The following COL6A6 variants were observed in gnomAD, a reference collection of about 807,000 sequenced individuals.
COL6A6 encodes the protein collagen alpha-6(VI) chain.
COL6A6 carries 183 observed loss-of-function variants against 208.6 expected under a neutral mutation model. That is an observed-to-expected ratio of 0.88 (90% CI 0.78 to 0.99). The LOEUF is 0.99. Ranked by LOEUF, COL6A6 falls within the 50% of genes least tolerant of loss-of-function variation. COL6A6 has a pLI of 0.00. For missense variants in COL6A6, 2,816 were observed against 2,815.2 expected, an observed-to-expected ratio of 1.00 and a Z score of -0.01; for synonymous variants, 973 against 1,011.8, an observed-to-expected ratio of 0.96 and a Z score of 0.73.
rs1220355090 is a variant in COL6A6, at chr3:130,649,235, C to T, written c.5406C>T (p.Ile1802=). The change falls in exon 33 of 37, where the codon ATC becomes ATT. Residue 1802 remains isoleucine (I), a synonymous_variant. Coordinates refer to ENST00000358511, the MANE Select transcript of COL6A6 (RefSeq NM_001102608.3). ...NSCPVGAHIA[I]LSYNSHARHL... is the part of the protein sequence containing the mutation. ...GCCCCGTGGGAGCGCACATCGCCAT[C>T]CTCTCCTATAACTCCCACGCCAGGC... The T allele has an allele frequency of 6.3e-7, 1 of 1,593,130 alleles. No homozygotes were observed. Among genetic ancestry groups the T allele is most frequent in the Non-Finnish European group, 8.5e-7 (1 of 1,169,956 alleles).
chr3:130,592,452 T>A, intron 13 of COL6A6, 89 bp from the exon 14 acceptor site: 1 of 1,010,020 alleles, frequency 9.9e-7, no homozygotes, highest in Non-Finnish European at 1.5e-6. Context: ...CATTCACACT[T>A]TTTTTGGTAA....
chr3:130,644,268 T>C (rs2065402628), intron 31 of COL6A6, among the ~76,000 whole-genome samples: 1 of 152,238 alleles, frequency 6.6e-6, no homozygotes, highest in Admixed American at 6.5e-5. Flanking sequence ...GAGAGAAGTC[T>C]AAAGCAGCAT....
At chr3:130,610,589 A>G in intron 22 of COL6A6, 60 bp from the exon 23 acceptor site, 1 of 1,215,114 alleles carries the variant, frequency 8.2e-7, no homozygotes, top group Non-Finnish European at 1.2e-6. Context: ...TGTAATATTC[A>G]ATTTAATATT....
At chr3:130,580,939 A>C (rs1174051025) in intron 8 of COL6A6, among the ~76,000 whole-genome samples, 1 of 152,022 alleles carries the variant, frequency 6.6e-6, no homozygotes, top group African/African-American at 2.4e-5. Flanking sequence ...TAATTTGGTT[A>C]TCAGTTTCTT....
At chr3:130,624,664 G>A (rs565739418) in intron 24 of COL6A6, among the ~76,000 whole-genome samples, 5 of 152,276 alleles carry the variant, frequency 3.3e-5, no homozygotes, top group Non-Finnish European at 7.4e-5. Context: ...AGAGGTGGCC[G>A]TGGGGAAGTA....
chr3:130,563,030 A>T (rs1309217745), intron 2 of COL6A6, 38 bp from the exon 3 acceptor site: 1 of 1,470,308 alleles, frequency 6.8e-7, no homozygotes, highest in Non-Finnish European at 9.2e-7. Context: ...TAAATTTTTT[A>T]AAGTTTTTGG....
At chr3:130,621,761 G>T (rs1407260078) in intron 23 of COL6A6, 60 bp from the exon 24 acceptor site, 3 of 1,418,364 alleles carry the variant, frequency 2.1e-6, no homozygotes, top group South Asian at 1.2e-5. Context: ...TAAGACAGAG[G>T]GTTTGAAGAA....
rs1235551768 is a variant in COL6A6, at chr3:130,565,286, A to C, written c.954A>C (p.Glu318Asp). 1 of 1,613,984 alleles carries C rather than the reference A, an allele frequency of 6.2e-7. No individual in the cohort carries two copies. The highest frequency in any genetic ancestry group is 2.2e-5 in the East Asian group (1 of 44,874). Residue 318 changes from glutamate to aspartate, a missense_variant, in exon 4 of 37, where the codon GAA becomes GAC. Physicochemically the swap from Glu to Asp is conservative, Grantham distance 45 (BLOSUM62 2). Transcript: ENST00000358511. Reference sequence around the variant, plus strand: ...CTGCCATCAAAAAGCTCAGGAAGGAAGTTTTTAGTGCACGGAATGGCAGTC... The same window carrying C: ...CTGCCATCAAAAAGCTCAGGAAGGACGTTTTTAGTGCACGGAATGGCAGTC... Reference protein sequence around the residue: ...TGAAIKKLRKEVFSARNGSRK... With the variant: ...TGAAIKKLRKDVFSARNGSRK...
intron 23 of COL6A6, among the ~76,000 whole-genome samples, chr3:130,617,097 C>T (rs148683797): frequency 3.3e-5 from 5 of 152,228 alleles, no homozygotes; most frequent in East Asian, 3.9e-4. Flanking sequence ...TATAACAATA[C>T]GTAACCTGTA....
chr3:130,573,652 C>T (rs536297486), intron 7 of COL6A6, among the ~76,000 whole-genome samples: 41 of 151,072 alleles, frequency 2.7e-4, no homozygotes, highest in African/African-American at 9.2e-4. Context: ...CTACAAGCTC[C>T]GCCTCCCGGG....
At chr3:130,607,785 G>A (rs1353455957) in intron 21 of COL6A6, among the ~76,000 whole-genome samples, 1 of 152,166 alleles carries the variant, frequency 6.6e-6, no homozygotes, top group Non-Finnish European at 1.5e-5. Flanking sequence ...GACACTTGTA[G>A]ACAAAGAGAC....
chr3:130,640,707 G>GT (rs2065282271), intron 28 of COL6A6, among the ~76,000 whole-genome samples: 2 of 151,896 alleles, frequency 1.3e-5, no homozygotes, highest in Admixed American at 6.6e-5. Flanking sequence ...TAAACTTATT[G>GT]TTGAATGCAC....
chr3:130,604,357 T>C (rs1467138870), intron 20 of COL6A6, among the ~76,000 whole-genome samples: 2 of 151,818 alleles, frequency 1.3e-5, no homozygotes, highest in African/African-American at 2.4e-5. Context: ...TAGCCGGGCG[T>C]GGTGGCGGGC....
intron 22 of COL6A6, 98 bp from the exon 23 acceptor site, chr3:130,610,551 T>TC: frequency 1.1e-6 from 1 of 889,342 alleles, no homozygotes; most frequent in Non-Finnish European, 1.8e-6. Flanking sequence ...CCCATTTCTG[T>TC]CCATGTTACT....
At position 130,675,378 on chromosome 3, in the gene COL6A6, C is replaced by T; in HGVS notation, c.6773C>T (p.Ala2258Val). ...TFKNGRMIES[A>V]PKQHD ...AAGAATGGAAGGATGATAGAAAGTG[C>T]TCCCAAACAACATGATTAAAAAAAT... Residue 2258 changes from alanine to valine, a missense_variant, in exon 37 of 37, where the codon GCT becomes GTT. Ala to Val is a moderately conservative substitution (Grantham distance 64). Coordinates refer to ENST00000358511, the MANE Select transcript of COL6A6 (RefSeq NM_001102608.3). The T allele has an allele frequency of 6.3e-7, 1 of 1,585,452 alleles. No homozygotes were observed. Among genetic ancestry groups the T allele is most frequent in the East Asian group, 2.3e-5 (1 of 44,422 alleles).
At position 130,593,226 on chromosome 3, in the gene COL6A6, G is replaced by A. The variant is rs1158908032; in HGVS notation, c.4444G>A (p.Gly1482Arg). Reference protein sequence around the residue: ...QGDNGLPGRKGEKGDEGSQGS... With the variant: ...QGDNGLPGRKREKGDEGSQGS... ...TGATAATGGTCTTCCTGGAAGAAAA[G>A]GAGAAAAGGGAGATGAGGGATCTCA... The change falls in exon 17 of 37, where the codon GGA becomes AGA. Residue 1482 changes from glycine to arginine, a missense_variant. Transcript: ENST00000358511. 1 of 1,612,900 alleles carries A rather than the reference G, an allele frequency of 6.2e-7. No homozygotes were observed. Among genetic ancestry groups the A allele is most frequent in the Non-Finnish European group, 8.5e-7 (1 of 1,178,960 alleles).
chr3:130,608,903 G>T lies in COL6A6; in HGVS notation c.4691G>T (p.Gly1564Val), dbSNP rs2064268785. Residue 1564 changes from glycine to valine, a missense_variant and splice_region_variant, in exon 22 of 37, where the codon GGA (glycine) becomes GTA (valine). By Grantham distance (109) the Gly-to-Val change is moderately radical. Transcript: ENST00000358511. ...HGRRGHTGPQ[G>V]TAGIPGPDGL... ...CAGATTGATTCTTTCTCGCCACAGG[G>T]AACAGCAGGCATCCCAGGACCAGAT... The T allele has an allele frequency of 1.6e-5, 26 of 1,612,230 alleles. No homozygotes were observed. The highest frequency in any genetic ancestry group is 1.8e-5 in the Non-Finnish European group (21 of 1,179,212).
chr3:130,554,319 C>A (rs1374181581), intron 1 of COL6A6, among the ~76,000 whole-genome samples: 2 of 152,132 alleles, frequency 1.3e-5, no homozygotes, highest in African/African-American at 4.8e-5. Flanking sequence ...TTCACAGTGG[C>A]AATGGTGTTG....
chr3:130,590,816 C>G (rs1007395398), intron 12 of COL6A6, among the ~76,000 whole-genome samples: 2 of 152,162 alleles, frequency 1.3e-5, no homozygotes, highest in African/African-American at 4.8e-5. Context: ...ATCCGCCCGC[C>G]TGGGCCTCCC....
Sources: gnomAD v4.1 joint callset for allele counts (sites outside exome capture counted in the v4.1 genomes callset) on GRCh38, gnomAD v4.1.1 for gene constraint, MANE v1.5 for transcripts, NCBI Gene and HGNC (gene_info 2026-07-23, HGNC 2026-07-21) for gene names.